The following GUSB variants were observed in gnomAD, a reference collection of about 807,000 sequenced individuals.
The protein encoded by GUSB is glucuronidase beta.
Under a neutral mutation model 74.6 loss-of-function variants are expected in GUSB, and 51 were observed. That is an observed-to-expected ratio of 0.68 (90% CI 0.55 to 0.86). The LOEUF (loss-of-function observed/expected upper bound fraction) is 0.86, where lower values mean the gene tolerates loss of function less well. Ranked by LOEUF, GUSB falls within the 40% of genes least tolerant of loss-of-function variation. The pLI, the probability that GUSB is intolerant of heterozygous loss-of-function variation, is 0.00. For synonymous variants in GUSB, 360 were observed against 348.3 expected (o/e 1.03, Z -0.37); for missense variants, 736 against 853.7 (o/e 0.86, Z 1.72).
chr7:65,967,663 G>T, intron 10 of GUSB, 68 bp downstream of exon 10: 1 of 1,321,084 alleles, frequency 7.6e-7, no homozygotes. Flanking sequence ...GCGCAGGTCA[G>T]GCTGGAGGAG....
intron 4 of GUSB, among the ~76,000 whole-genome samples, chr7:65,978,709 T>C (rs1791765796): frequency 1.3e-5 from 2 of 150,528 alleles, no homozygotes; most frequent in African/African-American, 4.9e-5. Context: ...GAGGCAGAGG[T>C]TGCAGTGAGC....
intron 4 of GUSB, among the ~76,000 whole-genome samples, chr7:65,977,733 A>C (rs1791677829): frequency 6.6e-6 from 1 of 151,804 alleles, no homozygotes; most frequent in Admixed American, 6.6e-5. Flanking sequence ...AACGGCTGTC[A>C]ATAATCTCAC....
At chr7:65,978,363 G>A (rs558419413) in intron 4 of GUSB, among the ~76,000 whole-genome samples, 66 of 151,940 alleles carry the variant, frequency 4.3e-4, no homozygotes, top group Admixed American at 2.2e-3. Flanking sequence ...CAAGAGAATT[G>A]TTTGAACCCG....
At chr7:65,962,999 C>T (rs1160683995) in intron 11 of GUSB, among the ~76,000 whole-genome samples, 1 of 152,042 alleles carries the variant, frequency 6.6e-6, no homozygotes, top group African/African-American at 2.4e-5. Flanking sequence ...GCTGGCATTA[C>T]AGGCATGCGC....
intron 1 of GUSB, chr7:65,981,763 C>G: frequency 1.8e-6 from 1 of 541,748 alleles, no homozygotes; most frequent in Non-Finnish European, 3.3e-6. Context: ...TCGGCAAGAG[C>G]CTTTTCTCCT....
chr7:65,973,296 A>T (rs980061054), intron 8 of GUSB, among the ~76,000 whole-genome samples: 2 of 152,142 alleles, frequency 1.3e-5, no homozygotes, highest in Admixed American at 6.6e-5. Flanking sequence ...CTACTGAAAA[A>T]TGCAAAAGTT....
intron 9 of GUSB, among the ~76,000 whole-genome samples, chr7:65,969,105 G>A (rs1583904767): frequency 6.6e-6 from 1 of 152,178 alleles, no homozygotes; most frequent in Non-Finnish European, 1.5e-5. Context: ...TGCTGGCCGG[G>A]TGTGGTGGCT....
chr7:65,982,136 C>T lies in GUSB; in HGVS notation c.48G>A (p.Leu16=). ...AVAWAALGPL[L]WGCALGLQGG... ...CCTGCAGCCCCAGCGCGCAGCCCCA[C>T]AACAACGGCCCGAGCGCCGCCCAGG... is the stretch of plus-strand genomic sequence containing the variant. Residue 16 remains leucine, a synonymous_variant, in exon 1 of 12, where the codon TTG becomes TTA. Transcript: ENST00000304895. The T allele has an allele frequency of 1.3e-6, 2 of 1,554,084 alleles. 1 individual carries two copies. Among genetic ancestry groups the T allele is most frequent in the South Asian group, 2.3e-5 (2 of 85,490 alleles).
chr7:65,980,185 G>GCA, intron 2 of GUSB, 39 bp downstream of exon 2: 83 of 725,270 alleles, frequency 1.1e-4, no homozygotes, highest in South Asian at 4.3e-4. Flanking sequence ...CAGCAGCCGT[G>GCA]CCCCCCCACC....
At chr7:65,979,046 G>T (rs1341094633) in intron 4 of GUSB, among the ~76,000 whole-genome samples, 1 of 152,156 alleles carries the variant, frequency 6.6e-6, no homozygotes, top group African/African-American at 2.4e-5. Flanking sequence ...CTGGATGACA[G>T]GCATAAGCCA....
rs556485334 is a variant in GUSB at position 65,980,528 on chromosome 7, C to T, written c.211-119G>A. The T allele has an allele frequency of 3.0e-4, 266 of 897,916 alleles. 5 individuals are homozygous for T. In the South Asian group the frequency reaches 3.7e-3, roughly 12 times the overall value. 55.6% of individuals were successfully genotyped at this position (897,916 alleles called of 1,614,324 possible). ...CCTGACACATAGCGGGGATTCTTGG[C>T]AGAAAGGACAGATAACTTGCTGATG... On this transcript the variant is annotated intron_variant, in intron 1 of 11. Coordinates refer to ENST00000304895, the MANE Select transcript of GUSB (RefSeq NM_000181.4).
At chr7:65,974,045 G>A (rs1355116209) in intron 8 of GUSB, among the ~76,000 whole-genome samples, 5 of 151,184 alleles carry the variant, frequency 3.3e-5, no homozygotes, top group Non-Finnish European at 7.4e-5. Context: ...TGTAATGAGC[G>A]GAGATCACCC....
chr7:65,978,176 G>A (rs1156822851), intron 4 of GUSB, among the ~76,000 whole-genome samples: 1 of 152,180 alleles, frequency 6.6e-6, no homozygotes, highest in East Asian at 1.9e-4. Context: ...TACAGACCGA[G>A]CGCTGTGGCT....
At chr7:65,980,202 G>T in intron 2 of GUSB, 22 bp downstream of exon 2, 2 of 156,034 alleles carry the variant, frequency 1.3e-5, no homozygotes, top group Non-Finnish European at 2.6e-5. Flanking sequence ...CACCCGCCCT[G>T]CCTGCTCCTG....
chr7:65,981,171 G>A (rs1231772559), intron 1 of GUSB, among the ~76,000 whole-genome samples: 6 of 151,780 alleles, frequency 4.0e-5, no homozygotes, highest in East Asian at 3.9e-4. Context: ...CCAGGAGTTC[G>A]AGACCACCCT....
intron 5 of GUSB, 80 bp from the exon 6 acceptor site, chr7:65,975,151 T>A: frequency 7.9e-7 from 1 of 1,269,012 alleles, no homozygotes; most frequent in Non-Finnish European, 1.1e-6. Context: ...GGAAGGCCCC[T>A]CGTGCACCCC....
In GUSB at chr7:65,981,957, C is replaced by G; in HGVS notation, c.210+17G>C. On this transcript the variant is annotated intron_variant, in intron 1 of 11. Coordinates refer to ENST00000304895, the MANE Select transcript of GUSB (RefSeq NM_000181.4). ...CCGGGCTTTCGGGCGCCTCCCGGCC[C>G]TGCCCCGAGATCGCACCTCCCACAG... 6.3e-7 allele frequency: 1 copy of G among 1,599,910 alleles called. No homozygotes were observed. The highest frequency in any genetic ancestry group is 8.5e-7 in the Non-Finnish European group (1 of 1,176,086).
At chr7:65,978,728 C>T (rs1791767123) in intron 4 of GUSB, among the ~76,000 whole-genome samples, 1 of 151,426 alleles carries the variant, frequency 6.6e-6, no homozygotes, top group Non-Finnish European at 1.5e-5. Flanking sequence ...GCCAAGATCA[C>T]GCCATCGCAC....
Position 65,967,887 on chromosome 7 carries a change from G to C in GUSB, c.1497C>G (p.Ile499Met), listed in dbSNP as rs760449944. Reference sequence around the variant, plus strand: ...ACCAAGAGTAGTAGCTGTTCAAACAGATCACATCCACATACGGAGCCTAGG... The same window carrying C: ...ACCAAGAGTAGTAGCTGTTCAAACACATCACATCCACATACGGAGCCTAGG... Reference protein sequence around the residue: ...ADKGAPYVDVICLNSYYSWYH... With the variant: ...ADKGAPYVDVMCLNSYYSWYH... Residue 499 changes from isoleucine (I) to methionine (M), a missense_variant, in exon 10 of 12, where the codon ATC becomes ATG. Physicochemically the swap from Ile to Met is conservative, Grantham distance 10. This residue lies in a region of GUSB where 368 missense variants were observed against 489.9 expected (regional missense o/e 0.75). Transcript: ENST00000304895. The C allele has an allele frequency of 2.0e-5, 32 of 1,601,682 alleles. No homozygotes were observed. The highest frequency in any genetic ancestry group is 2.7e-5 in the Non-Finnish European group (32 of 1,179,802).
Sources: gnomAD v4.1 joint callset for allele counts (sites outside exome capture counted in the v4.1 genomes callset) on GRCh38, gnomAD v4.1.1 for gene constraint, gnomAD v4.1.1 regional missense constraint, MANE v1.5 for transcripts, NCBI Gene and HGNC (gene_info 2026-07-23, HGNC 2026-07-21) for gene names.